The following IL20RB variants were observed in gnomAD, a reference collection of about 807,000 sequenced individuals.
IL20RB encodes the protein interleukin-20 receptor subunit beta.
Under a neutral mutation model 33.3 loss-of-function variants are expected in IL20RB, and 21 were observed. The ratio of observed to expected loss-of-function variants is 0.63; its 90% CI spans 0.45 to 0.91. The LOEUF (loss-of-function observed/expected upper bound fraction) is 0.91, where lower values mean the gene tolerates loss of function less well. Among genes scored for constraint, IL20RB ranks in the 40% least tolerant of loss-of-function variants. IL20RB has a pLI of 0.00. For missense variants in IL20RB, 345 were observed against 384.8 expected, an observed-to-expected ratio of 0.90 and a Z score of 0.86; for synonymous variants, 147 against 146.8, an observed-to-expected ratio of 1.00 and a Z score of -0.01.
At chr3:136,973,117 T>G (rs1941528940) in intron 1 of IL20RB, among the ~76,000 whole-genome samples, 1 of 152,140 alleles carries the variant, frequency 6.6e-6, no homozygotes, top group South Asian at 2.1e-4. Flanking sequence ...CCAGTTTAAG[T>G]TTTTCTTGGT....
chr3:137,001,964 C>T (rs886445338), intron 6 of IL20RB, among the ~76,000 whole-genome samples: 2 of 152,134 alleles, frequency 1.3e-5, no homozygotes, highest in African/African-American at 4.8e-5. Context: ...GTGATGTTCC[C>T]TGCACTGTGT....
intron 1 of IL20RB, chr3:136,959,528 G>A (rs756377621): frequency 6.6e-6 from 1 of 152,230 alleles, no homozygotes; most frequent in South Asian, 2.1e-4. Context: ...CAGAAATGTT[G>A]CCAAGAAAAC....
chr3:137,009,187 G>A (rs1933015218), intron 6 of IL20RB, among the ~76,000 whole-genome samples: 1 of 152,218 alleles, frequency 6.6e-6, no homozygotes, highest in African/African-American at 2.4e-5. Flanking sequence ...AACTGAGGTG[G>A]AGGAAACCAT....
At chr3:137,004,498 G>T (rs895157785) in intron 6 of IL20RB, among the ~76,000 whole-genome samples, 1 of 152,176 alleles carries the variant, frequency 6.6e-6, no homozygotes, top group Admixed American at 6.6e-5. Context: ...TCTTGGGAGG[G>T]TGTATGTGTC....
At chr3:136,983,100 T>A (rs1246983448) in intron 3 of IL20RB, among the ~76,000 whole-genome samples, 4 of 151,988 alleles carry the variant, frequency 2.6e-5, no homozygotes, top group African/African-American at 9.7e-5. Flanking sequence ...ATCTCTTTTT[T>A]TTTTTGATAC....
chr3:136,981,946 T>G, intron 2 of IL20RB: 4 of 373,234 alleles, frequency 1.1e-5, no homozygotes, highest in Non-Finnish European at 9.7e-6. Flanking sequence ...TCCAGACACA[T>G]TGATGTTTAT....
chr3:137,002,627 T>C (rs1454572950), intron 6 of IL20RB, among the ~76,000 whole-genome samples: 2 of 152,198 alleles, frequency 1.3e-5, no homozygotes, highest in Non-Finnish European at 2.9e-5. Flanking sequence ...GTTTTTTTTT[T>C]CTTGTAAATT....
In IL20RB at chr3:136,989,391, A is replaced by G. The variant is rs1183611266; in HGVS notation, c.407-50A>G. 2.5e-6 allele frequency: 4 copies of G among 1,609,002 alleles called. No individual in the cohort carries two copies. The African/African-American group carries it at 4.0e-5, about 16-fold the overall frequency. On this transcript the variant is annotated intron_variant, in intron 3 of 6. Coordinates refer to ENST00000329582, the MANE Select transcript of IL20RB (RefSeq NM_144717.4). Reference sequence around the variant, plus strand: ...GACCCGGTCATTGTGTTCCAGGGAAATCAACCCTGTCTGGGGCTGGCTTTG... The same window carrying G: ...GACCCGGTCATTGTGTTCCAGGGAAGTCAACCCTGTCTGGGGCTGGCTTTG...
At chr3:136,971,117 C>T (rs1010743224) in intron 1 of IL20RB, among the ~76,000 whole-genome samples, 21 of 151,952 alleles carry the variant, frequency 1.4e-4, no homozygotes, top group African/African-American at 4.1e-4. Context: ...TGAATTTATT[C>T]CTTCTAACTA....
chr3:136,986,094 T>C (rs1373589233), intron 3 of IL20RB, among the ~76,000 whole-genome samples: 3 of 152,040 alleles, frequency 2.0e-5, no homozygotes, highest in African/African-American at 7.2e-5. Context: ...TCGCCTGTAG[T>C]CCCAGCTACT....
In IL20RB at chr3:136,986,891, A is replaced by AGGAG. The variant is rs568880446; in HGVS notation, c.407-2549_407-2546dup. ...GGTGGGTTCCTAGTCTCGCTGGCTC[A>AGGAG]GGAGTGAAGCTGCAGATCTTCACGG... is the stretch of plus-strand genomic sequence containing the variant. On this transcript the variant is annotated intron_variant, in intron 3 of 6. Coordinates refer to ENST00000329582, the MANE Select transcript of IL20RB (RefSeq NM_144717.4). The AGGAG allele has an allele frequency of 2.6e-4, 100 of 392,128 alleles. 1 individual carries two copies. The highest frequency in any genetic ancestry group is 1.9e-3 in the South Asian group (100 of 52,196). 24.3% of individuals were successfully genotyped at this position (392,128 alleles called of 1,614,324 possible).
intron 1 of IL20RB, among the ~76,000 whole-genome samples, chr3:136,976,228 G>A (rs1333652063): frequency 6.6e-6 from 1 of 152,202 alleles, no homozygotes; most frequent in Non-Finnish European, 1.5e-5. Context: ...GAGTGAAGCT[G>A]GGTTGGGTGG....
chr3:136,991,010 T>G (rs1326690410), intron 4 of IL20RB, among the ~76,000 whole-genome samples: 6 of 152,180 alleles, frequency 3.9e-5, no homozygotes, highest in Admixed American at 3.3e-4. Flanking sequence ...GAGGGGAGCA[T>G]GTACCCTGAG....
intron 6 of IL20RB, among the ~76,000 whole-genome samples, chr3:137,006,461 CT>C (rs201304646): frequency 1.9e-4 from 28 of 148,678 alleles, no homozygotes; most frequent in East Asian, 5.9e-4. Flanking sequence ...GCTTTGTTCA[CT>C]TTTTTTTTTA....
chr3:136,995,703 C>A, intron 6 of IL20RB, 147 bp downstream of exon 6: 1 of 795,382 alleles, frequency 1.3e-6, no homozygotes, highest in East Asian at 2.6e-5. Context: ...TTATAAAATA[C>A]TTCATTTCTA....
chr3:136,990,437 C>T (rs1236797136), intron 4 of IL20RB, among the ~76,000 whole-genome samples: 1 of 152,186 alleles, frequency 6.6e-6, no homozygotes, highest in African/African-American at 2.4e-5. Context: ...ATGGCCCTTT[C>T]CTAGCTTATT....
At chr3:136,997,451 T>C (rs931491347) in intron 6 of IL20RB, among the ~76,000 whole-genome samples, 1 of 152,162 alleles carries the variant, frequency 6.6e-6, no homozygotes, top group Non-Finnish European at 1.5e-5. Flanking sequence ...TTTAAGTGTA[T>C]TCATATTTTG....
intron 1 of IL20RB, among the ~76,000 whole-genome samples, chr3:136,960,695 C>T (rs1397826534): frequency 6.6e-6 from 1 of 152,126 alleles, no homozygotes; most frequent in African/African-American, 2.4e-5. Flanking sequence ...AGTTATTTGT[C>T]CAAGTACCTA....
At chr3:136,963,043 C>A (rs971133330) in intron 1 of IL20RB, among the ~76,000 whole-genome samples, 15 of 152,098 alleles carry the variant, frequency 9.9e-5, no homozygotes, top group African/African-American at 2.9e-4. Flanking sequence ...TATTATTTTG[C>A]AACTCTTCTG....
Sources: allele counts gnomAD v4.1 joint callset (sites outside exome capture counted in the v4.1 genomes callset), GRCh38; gene constraint gnomAD v4.1.1; transcripts MANE v1.5; gene names NCBI Gene and HGNC (gene_info 2026-07-23, HGNC 2026-07-21).